CAMTA1: variants seen among roughly 807,000 people sequenced by gnomAD.
CAMTA1 encodes the protein calmodulin-binding transcription activator 1.
Under a neutral mutation model 170.9 loss-of-function variants are expected in CAMTA1, and 27 were observed. That is an observed-to-expected ratio of 0.16 (90% CI 0.12 to 0.22). CAMTA1 has a LOEUF of 0.22. Among genes scored for constraint, CAMTA1 ranks in the 10% least tolerant of loss-of-function variants. The pLI is 1.00. For missense variants in CAMTA1, 1,619 were observed against 2,217.2 expected (o/e 0.73, Z 5.42); for synonymous variants, 833 against 891.5 (o/e 0.93, Z 1.17).
chr1:7,266,349 A>G (rs1238512620), intron 5 of CAMTA1, among the ~76,000 whole-genome samples: 1 of 152,228 alleles, frequency 6.6e-6, no homozygotes, highest in Non-Finnish European at 1.5e-5. Flanking sequence ...CTGTGGGTCC[A>G]CCACAGGGAC....
chr1:6,930,724 C>A (rs1443165116), intron 3 of CAMTA1, among the ~76,000 whole-genome samples: 1 of 152,210 alleles, frequency 6.6e-6, no homozygotes, highest in African/African-American at 2.4e-5. Flanking sequence ...TTTGGCTGTC[C>A]CCTGAACCCT....
chr1:7,510,675 G>T (rs2094191484), intron 6 of CAMTA1, among the ~76,000 whole-genome samples: 1 of 146,186 alleles, frequency 6.8e-6, no homozygotes, highest in South Asian at 2.2e-4. Context: ...GAGAATGTGT[G>T]GTTTATACAA....
Position 7,063,652 on chromosome 1 carries a change from A to G in CAMTA1, c.235-27652A>G, listed in dbSNP as rs1708579274. On this transcript the variant is annotated intron_variant, in intron 3 of 22. Coordinates refer to ENST00000303635, the MANE Select transcript of CAMTA1 (RefSeq NM_015215.4). This position sits in a 1 kb window ranked among gnomAD's most constrained non-coding sequence, Gnocchi z 4.3. ...CTGAAATACCTTCCCTGGACCTACC[A>G]TTTGCATTTGGACTTAGATTATTAG... is the stretch of plus-strand genomic sequence containing the variant. Among the ~76,000 whole-genome samples, 1 of 152,164 alleles carries G rather than the reference A, an allele frequency of 6.6e-6. No homozygotes were observed. The highest frequency in any genetic ancestry group is 2.4e-5 in the African/African-American group (1 of 41,448).
In CAMTA1 at chr1:7,078,258, A is replaced by G. The variant is rs544842237; in HGVS notation, c.235-13046A>G. ...CTACTTCTGTTTTATATTCAGGTTTATATCACTGTTCTGGAAGGACTTATA... is the reference window on the plus strand; with the variant it reads ...CTACTTCTGTTTTATATTCAGGTTTGTATCACTGTTCTGGAAGGACTTATA... On this transcript the variant is annotated intron_variant, in intron 3 of 22. Transcript: ENST00000303635. 1.7e-4 allele frequency among the ~76,000 whole-genome samples: 26 copies of G among 152,326 alleles called. No individual in the cohort carries two copies. In the South Asian group the frequency reaches 5.4e-3, roughly 32 times the overall value.
At chr1:6,841,466 C>CA (rs1655665461) in intron 3 of CAMTA1, among the ~76,000 whole-genome samples, 1 of 151,928 alleles carries the variant, frequency 6.6e-6, no homozygotes, top group Admixed American at 6.6e-5. Context: ...TGATTAGTAA[C>CA]CTCAATGGGT....
intron 6 of CAMTA1, among the ~76,000 whole-genome samples, chr1:7,535,496 G>A (rs1169192006): frequency 2.0e-5 from 3 of 152,318 alleles, no homozygotes; most frequent in Non-Finnish European, 2.9e-5. Context: ...TCTGGGCTGC[G>A]AGCATGGCCC....
intron 3 of CAMTA1, among the ~76,000 whole-genome samples, chr1:6,966,388 C>T (rs374854349): frequency 4.6e-5 from 7 of 152,040 alleles, no homozygotes; most frequent in African/African-American, 1.7e-4. Flanking sequence ...CTACTTCTGT[C>T]TCTATTGATT....
intron 6 of CAMTA1, among the ~76,000 whole-genome samples, chr1:7,518,038 C>T (rs532878825): frequency 5.3e-5 from 8 of 151,984 alleles, no homozygotes; most frequent in Non-Finnish European, 1.2e-4. Context: ...AAGCTTCTCC[C>T]ACTGGGGGAC....
At chr1:6,806,440 C>G (rs1429014533) in intron 1 of CAMTA1, among the ~76,000 whole-genome samples, 4 of 152,210 alleles carry the variant, frequency 2.6e-5, no homozygotes, top group African/African-American at 9.7e-5. Flanking sequence ...ATCTGAGGAT[C>G]TATTTGGGGA....
At chr1:6,858,664 A>G (rs888922672) in intron 3 of CAMTA1, among the ~76,000 whole-genome samples, 3 of 152,182 alleles carry the variant, frequency 2.0e-5, no homozygotes, top group African/African-American at 7.2e-5. Context: ...TAGCCTCACA[A>G]TGATTTTGTG....
At chr1:7,352,451 T>A (rs1211265489) in intron 5 of CAMTA1, among the ~76,000 whole-genome samples, 1 of 152,194 alleles carries the variant, frequency 6.6e-6, no homozygotes, top group Non-Finnish European at 1.5e-5. Context: ...GCCCGACATC[T>A]TGTCGGGTTA....
chr1:7,329,101 CCCTTAAAAAT>C (rs1457809586), intron 5 of CAMTA1, among the ~76,000 whole-genome samples: 1 of 151,958 alleles, frequency 6.6e-6, no homozygotes, highest in Non-Finnish European at 1.5e-5. Flanking sequence ...CCTAAATCTG[CCCTTAAAAAT>C]CCAAAGAGTG....
chr1:6,891,995 C>T (rs902567997), intron 3 of CAMTA1, among the ~76,000 whole-genome samples: 4 of 152,128 alleles, frequency 2.6e-5, no homozygotes, highest in African/African-American at 7.2e-5. Context: ...CCCAGGTCCA[C>T]GTGAGTCATT....
chr1:7,012,065 C>G (rs1037032885), intron 3 of CAMTA1, among the ~76,000 whole-genome samples: 1 of 152,164 alleles, frequency 6.6e-6, no homozygotes, highest in African/African-American at 2.4e-5. Flanking sequence ...CTGGGGAAAC[C>G]CAGCCCTTGC....
At chr1:7,566,985 G>A (rs2150305839) in intron 6 of CAMTA1, among the ~76,000 whole-genome samples, 1 of 152,332 alleles carries the variant, frequency 6.6e-6, no homozygotes, top group Admixed American at 6.5e-5. Context: ...ATGAAAATGG[G>A]GACTTTTGTG....
chr1:7,249,500 T>C lies in CAMTA1; in HGVS notation c.312T>C (p.Asn104=). Residue 104 remains asparagine, a synonymous_variant, in exon 5 of 23, where the codon AAT becomes AAC. Transcript: ENST00000303635. The surrounding 1 kb of genome is among the most constrained non-coding windows in gnomAD (Gnocchi z 4.4). Reference sequence around the variant, plus strand: ...CATTTGTTGTTTCCAGACCACAGAATGGCTCAATGATACTCTACAACAGGA... The same window carrying C: ...CATTTGTTGTTTCCAGACCACAGAACGGCTCAATGATACTCTACAACAGGA... The part of the protein sequence containing the change: ...LTTSPKTRPQ[N]GSMILYNRKK... 1 of 1,613,506 alleles carries C rather than the reference T, an allele frequency of 6.2e-7. No individual in the cohort carries two copies. Among genetic ancestry groups the C allele is most frequent in the Non-Finnish European group, 8.5e-7 (1 of 1,179,736 alleles).
intron 3 of CAMTA1, among the ~76,000 whole-genome samples, chr1:6,868,020 G>A (rs1667178920): frequency 6.6e-6 from 1 of 152,092 alleles, no homozygotes. Context: ...TGCCCGGCTA[G>A]TCTCAAACTT....
At chr1:7,759,972 C>T (rs2096962284) in intron 22 of CAMTA1, among the ~76,000 whole-genome samples, 1 of 152,162 alleles carries the variant, frequency 6.6e-6, no homozygotes, top group Non-Finnish European at 1.5e-5. Context: ...TCCTCCTTTC[C>T]CGATACGAGA....
chr1:7,731,589 A>T (rs1296665035), intron 11 of CAMTA1, among the ~76,000 whole-genome samples: 4 of 150,740 alleles, frequency 2.7e-5, no homozygotes, highest in African/African-American at 9.8e-5. Flanking sequence ...AAAAAAAAAG[A>T]AAAGAAAGAA....
Sources: gnomAD v4.1 joint callset for allele counts (sites outside exome capture counted in the v4.1 genomes callset) on GRCh38, gnomAD v4.1.1 for gene constraint, Gnocchi (gnomAD v3.1) non-coding constraint, MANE v1.5 for transcripts, NCBI Gene and HGNC (gene_info 2026-07-23, HGNC 2026-07-21) for gene names.